The following C2orf81 variants were observed in gnomAD, a reference collection of about 807,000 sequenced individuals.
C2orf81 encodes the protein uncharacterized protein C2orf81.
C2orf81 carries 5 observed loss-of-function variants against 7.9 expected under a neutral mutation model. The ratio of observed to expected loss-of-function variants is 0.63; its 90% CI spans 0.33 to 1.33. The LOEUF (loss-of-function observed/expected upper bound fraction) is 1.33, where lower values mean the gene tolerates loss of function less well. C2orf81 is among the 40% of genes most tolerant of loss of function. C2orf81 has a pLI of 0.05. For synonymous variants in C2orf81, 346 were observed against 367.4 expected, an observed-to-expected ratio of 0.94 and a Z score of 0.66; for missense variants, 781 against 830.4, an observed-to-expected ratio of 0.94 and a Z score of 0.73.
rs915288359 is a variant in C2orf81, at chr2:74,414,588, T to C, written c.1589A>G (p.Glu530Gly). 2 of 1,548,378 alleles carry C rather than the reference T, an allele frequency of 1.3e-6. No individual in the cohort carries two copies. Among genetic ancestry groups the C allele is most frequent in the Admixed American group, 2.0e-5 (1 of 50,864 alleles). The change falls in exon 3 of 3, where the codon GAG (glutamate) becomes GGG (glycine). Residue 530 changes from glutamate (E) to glycine (G), a missense_variant. Coordinates refer to ENST00000684111, the MANE Select transcript of C2orf81 (RefSeq NM_001316764.3). The surrounding 1 kb of genome is among the most constrained non-coding windows in gnomAD (Gnocchi z 5.3). ...ATCCTGGCCCTCCCTGTCTGCCAGC[T>C]CCAGACCCTGTGGAGGCACGCGGGT... ...GRTRVPPQGL[E>G]LADREGQDPG...
chr2:74,414,531 A>G lies in C2orf81; in HGVS notation c.1646T>C (p.Val549Ala), dbSNP rs1003455696. 9.7e-6 allele frequency: 15 copies of G among 1,544,148 alleles called. No individual in the cohort carries two copies. Among genetic ancestry groups the G allele is most frequent in the South Asian group, 2.4e-5 (2 of 83,176 alleles). The change falls in exon 3 of 3, where the codon GTC (valine) becomes GCC (alanine). Residue 549 changes from valine (V) to alanine (A), a missense_variant. Physicochemically the swap from Val to Ala is moderately conservative, Grantham distance 64. Coordinates refer to ENST00000684111, the MANE Select transcript of C2orf81 (RefSeq NM_001316764.3). This position sits in a 1 kb window ranked among gnomAD's most constrained non-coding sequence, Gnocchi z 5.3. ...CATCACCTGGGAAGTGGCTTCAAGG[A>G]CCGGGGGTGTGGTTCGAGGCCATCT... Reference protein sequence around the residue: ...PGRWPRTTPPVLEATSQVMWK... With the variant: ...PGRWPRTTPPALEATSQVMWK...
intron 1 of C2orf81, chr2:74,416,444 TAAAG>T (rs1676470309): frequency 2.9e-6 from 1 of 339,588 alleles, no homozygotes; most frequent in African/African-American, 2.2e-5. Flanking sequence ...AATTGACAGA[TAAAG>T]AAACTGAAGT....
rs567561308 is a variant in C2orf81 at position 74,415,963 on chromosome 2, A to C, written c.250-36T>G. On this transcript the variant is annotated intron_variant, in intron 2 of 2. Coordinates refer to ENST00000684111, the MANE Select transcript of C2orf81 (RefSeq NM_001316764.3). The surrounding 1 kb of genome is among the most constrained non-coding windows in gnomAD (Gnocchi z 5.5). ...GAGAGAGGATCTCAGGTCGGCAGGG[A>C]GGGGCGGGAGAGGGAGACGAGTCTG... 7.2e-5 allele frequency: 112 copies of C among 1,546,778 alleles called. No individual in the cohort carries two copies. The East Asian group carries it at 2.7e-3, about 38-fold the overall frequency.
rs1392225932 is a variant in C2orf81 at position 74,415,664 on chromosome 2, A to G, written c.513T>C (p.Pro171=). 1 of 1,551,366 alleles carries G rather than the reference A, an allele frequency of 6.4e-7. No homozygotes were observed. The highest frequency in any genetic ancestry group is 2.4e-5 in the East Asian group (1 of 40,926). ...GASPDSSAIA[P]ALPFPTSHCP... The stretch of plus-strand genomic sequence containing the variant: ...AGTGAGATGTCGGAAAGGGGAGAGC[A>G]GGAGCAATGGCAGAGGAGTCCGGAG... Residue 171 remains proline, a synonymous_variant, in exon 3 of 3, where the codon CCT becomes CCC. Coordinates refer to ENST00000684111, the MANE Select transcript of C2orf81 (RefSeq NM_001316764.3). This position sits in a 1 kb window ranked among gnomAD's most constrained non-coding sequence, Gnocchi z 5.5.
At chr2:74,418,877 A>G (rs1485319923) in intron 1 of C2orf81, among the ~76,000 whole-genome samples, 1 of 152,064 alleles carries the variant, frequency 6.6e-6, no homozygotes, top group Non-Finnish European at 1.5e-5. Context: ...AGTAAATTAA[A>G]AGCTCATATA....
At chr2:74,418,700 AT>A (rs199708145) in intron 1 of C2orf81, among the ~76,000 whole-genome samples, 171 of 145,718 alleles carry the variant, frequency 1.2e-3, no homozygotes, top group East Asian at 1.2e-3. Flanking sequence ...AGTTCTCTAC[AT>A]TTTTTTTTTT....
At chr2:74,418,638 G>C (rs1470118481) in intron 1 of C2orf81, 2 of 582,662 alleles carry the variant, frequency 3.4e-6, no homozygotes, top group South Asian at 3.9e-5. Context: ...AAATAGCCCA[G>C]GCTCGGAGTC....
At chr2:74,418,616 C>T (rs1573215603) in intron 1 of C2orf81, 1 of 601,204 alleles carries the variant, frequency 1.7e-6, no homozygotes, top group South Asian at 1.9e-5. Flanking sequence ...CCTGGAGCCG[C>T]GCCAGCGCCA....
intron 1 of C2orf81, chr2:74,416,705 A>G (rs1260519993): frequency 6.5e-6 from 1 of 154,768 alleles, no homozygotes; most frequent in Non-Finnish European, 1.4e-5. Context: ...CATGGCCCTT[A>G]TACCAGAGCA....
chr2:74,416,333 C>A, intron 1 of C2orf81, 92 bp from the exon 2 acceptor site: 1 of 932,740 alleles, frequency 1.1e-6, no homozygotes, highest in Admixed American at 3.1e-5. Flanking sequence ...CTCAAGTTGT[C>A]TAGTGGGAAG....
In C2orf81 at chr2:74,420,772, C is replaced by CTTTTTTTTTT. The variant is rs745827470; in HGVS notation, c.18+761_18+770dup. On this transcript the variant is annotated intron_variant, in intron 1 of 2. Coordinates refer to ENST00000684111, the MANE Select transcript of C2orf81 (RefSeq NM_001316764.3). ...CAAATCCGTTTTCTTTCTTCTTCTT[C>CTTTTTTTTTT]TTTTTTTTTTTTTTTTTTTTTTTTT... is the stretch of plus-strand genomic sequence containing the variant. Among the ~76,000 whole-genome samples the CTTTTTTTTTT allele has an allele frequency of 8.4e-4, 61 of 72,702 alleles. 3 individuals are homozygous for CTTTTTTTTTT. The highest frequency in any genetic ancestry group is 2.9e-3 in the African/African-American group (50 of 17,512). 47.7% of individuals were successfully genotyped at this position (72,702 alleles called of 152,430 possible).
At chr2:74,418,530 G>A (rs1676526788) in intron 1 of C2orf81, 3 of 855,062 alleles carry the variant, frequency 3.5e-6, no homozygotes, top group Admixed American at 2.0e-5. Context: ...CCGGTTTGCC[G>A]GGAGCAGCGG....
In C2orf81 at chr2:74,415,127, C is replaced by A. The variant is rs1676410503; in HGVS notation, c.1050G>T (p.Gln350His). ...GCACATCCGAGTGCCCGGCCCGCTG[C>A]TGCTGGCAGGACGCGGAGGGGCGGG... ...GATRPSASCQ[Q>H]QRAGHSDVRL... Residue 350 changes from glutamine to histidine, a missense_variant, in exon 3 of 3, where the codon CAG becomes CAT. Gln to His is a conservative substitution (Grantham distance 24). Coordinates refer to ENST00000684111, the MANE Select transcript of C2orf81 (RefSeq NM_001316764.3). The surrounding 1 kb of genome is among the most constrained non-coding windows in gnomAD (Gnocchi z 5.5). 1 of 1,488,532 alleles carries A rather than the reference C, an allele frequency of 6.7e-7. No homozygotes were observed. Among genetic ancestry groups the A allele is most frequent in the African/African-American group, 2.4e-5 (1 of 42,498 alleles). 92.2% of individuals were successfully genotyped at this position (1,488,532 alleles called of 1,614,324 possible).
rs940176726 is a variant in C2orf81 at position 74,415,891 on chromosome 2, T to C, written c.286A>G (p.Met96Val). Reference sequence around the variant, plus strand: ...AAGCGCCACTCGGTGATCTGCAGCATGGCCTCCCGGGCCTGGCTGATGGTG... The same window carrying C: ...AAGCGCCACTCGGTGATCTGCAGCACGGCCTCCCGGGCCTGGCTGATGGTG... The part of the protein sequence containing the change: ...PFTISQAREA[M>V]LQITEWRFLA... The change falls in exon 3 of 3, where the codon ATG becomes GTG. Residue 96 changes from methionine to valine, a missense_variant. Met to Val is a conservative substitution (Grantham distance 21, BLOSUM62 1). Transcript: ENST00000684111. The surrounding 1 kb of genome is among the most constrained non-coding windows in gnomAD (Gnocchi z 5.5). 3 of 1,549,950 alleles carry C rather than the reference T, an allele frequency of 1.9e-6. No individual in the cohort carries two copies. In the African/African-American group the frequency reaches 4.1e-5, roughly 21 times the overall value.
At chr2:74,418,354 C>T (rs1384220267) in intron 1 of C2orf81, 55 of 1,598,648 alleles carry the variant, frequency 3.4e-5, no homozygotes, top group Non-Finnish European at 4.5e-5. Context: ...AGGCTGCTTG[C>T]GCGGCCTGCC....
At chr2:74,421,208 C>T (rs1676603717) in intron 1 of C2orf81, among the ~76,000 whole-genome samples, 1 of 152,252 alleles carries the variant, frequency 6.6e-6, no homozygotes, top group South Asian at 2.1e-4. Flanking sequence ...TATCTTCCCT[C>T]TCTAAATGCT....
chr2:74,419,208 A>T (rs114747373), intron 1 of C2orf81, among the ~76,000 whole-genome samples: 173 of 152,078 alleles, frequency 1.1e-3, no homozygotes, highest in African/African-American at 3.9e-3. Context: ...CTAATAAAAT[A>T]AAAAATAGAA....
intron 1 of C2orf81, among the ~76,000 whole-genome samples, chr2:74,420,031 T>C (rs1380361020): frequency 6.6e-6 from 1 of 152,192 alleles, no homozygotes; most frequent in Non-Finnish European, 1.5e-5. Context: ...CTTGCAGGCA[T>C]GAGCCACCAA....
chr2:74,418,856 A>G (rs1406125531), intron 1 of C2orf81, among the ~76,000 whole-genome samples: 1 of 152,088 alleles, frequency 6.6e-6, no homozygotes, highest in East Asian at 1.9e-4. Context: ...GAAAAAAGAT[A>G]AATATCCCCG....
Sources: gnomAD v4.1 joint callset for allele counts (sites outside exome capture counted in the v4.1 genomes callset) on GRCh38, gnomAD v4.1.1 for gene constraint, Gnocchi (gnomAD v3.1) non-coding constraint, MANE v1.5 for transcripts, NCBI Gene and HGNC (gene_info 2026-07-23, HGNC 2026-07-21) for gene names.